The following GALNT18 variants were observed in gnomAD, a reference collection of about 807,000 sequenced individuals.
The protein encoded by GALNT18 is GalNAc-transferase 18.
A neutral mutation model predicts 69.5 loss-of-function variants in GALNT18; 44 were observed. The ratio of observed to expected loss-of-function variants is 0.63; its 90% confidence interval spans 0.50 to 0.81. GALNT18 has a LOEUF of 0.81. GALNT18 is among the 40% of genes least tolerant of loss of function. The pLI is 0.00. For missense variants in GALNT18, 715 were observed against 810.0 expected (o/e 0.88, Z 1.42); for synonymous variants, 364 against 318.2 (o/e 1.14, Z -1.53).
At position 11,341,312 on chromosome 11, in the gene GALNT18, A is replaced by G. The variant is rs953952472; in HGVS notation, c.1093-308T>C. Among the ~76,000 whole-genome samples the G allele has an allele frequency of 1.3e-5, 2 of 152,340 alleles. No homozygotes were observed. The highest frequency in any genetic ancestry group is 4.8e-5 in the African/African-American group (2 of 41,580). ...AAAAAGAGACCAGACATTTTGTTCC[A>G]AAGATCTGAATTCTCCTTGCACTTG... On this transcript the variant is annotated intron_variant, in intron 6 of 10. Transcript: ENST00000227756. The surrounding 1 kb of genome is among the most constrained non-coding windows in gnomAD (Gnocchi z 6.3).
chr11:11,548,996 A>G (rs1179714042), intron 1 of GALNT18, among the ~76,000 whole-genome samples: 1 of 152,248 alleles, frequency 6.6e-6, no homozygotes, highest in Admixed American at 6.5e-5. Flanking sequence ...AAAGAAGACT[A>G]CATTTCCCAG....
intron 6 of GALNT18, chr11:11,352,368 G>T (rs1373709282): frequency 6.2e-7 from 1 of 1,614,016 alleles, no homozygotes; most frequent in Non-Finnish European, 8.5e-7. Context: ...TAAATCTTCT[G>T]TCCCCAGAAA....
chr11:11,280,656 A>C (rs1356835036), intron 10 of GALNT18, among the ~76,000 whole-genome samples: 1 of 152,128 alleles, frequency 6.6e-6, no homozygotes, highest in Non-Finnish European at 1.5e-5. Context: ...AATTTTCCAA[A>C]CTGGTTGCCC....
Position 11,320,113 on chromosome 11 carries a change from T to C in GALNT18, c.1512+6973A>G, listed in dbSNP as rs889258103. On this transcript the variant is annotated intron_variant, in intron 9 of 10. Transcript: ENST00000227756. This position sits in a 1 kb window ranked among gnomAD's most constrained non-coding sequence, Gnocchi z 4.9. ...ACACTCACCTAAGAGACTCAGTTAGTAAGTGGCATGGCTGGGATTTGAACC... is the reference window on the plus strand; with the variant it reads ...ACACTCACCTAAGAGACTCAGTTAGCAAGTGGCATGGCTGGGATTTGAACC... 1.3e-5 allele frequency among the ~76,000 whole-genome samples: 2 copies of C among 152,206 alleles called. No individual in the cohort carries two copies. The highest frequency in any genetic ancestry group is 2.9e-5 in the Non-Finnish European group (2 of 68,032).
intron 1 of GALNT18, among the ~76,000 whole-genome samples, chr11:11,466,610 TG>T (rs757287196): frequency 2.6e-5 from 4 of 152,222 alleles, no homozygotes; most frequent in Non-Finnish European, 5.9e-5. Context: ...TAATTCAGTC[TG>T]TTTACCTATT....
chr11:11,340,826 G>A lies in GALNT18; in HGVS notation c.1271C>T (p.Pro424Leu), dbSNP rs766284531. ...CCTACCGGAGATCCCTACCTCCTGC[G>A]GTATGTTCCATGCCATGTAGACGTG... ...KSHVYMAWNI[P>L]QEDSGIDIGD... The change falls in exon 7 of 11, where the codon CCG becomes CTG. Residue 424 changes from proline (P) to leucine (L), a missense_variant. Coordinates refer to ENST00000227756, the MANE Select transcript of GALNT18 (RefSeq NM_198516.3). This position sits in a 1 kb window ranked among gnomAD's most constrained non-coding sequence, Gnocchi z 4.2. 3.7e-6 allele frequency: 6 copies of A among 1,608,824 alleles called. No homozygotes were observed. The highest frequency in any genetic ancestry group is 1.7e-5 in the Admixed American group (1 of 59,422).
At position 11,332,287 on chromosome 11, in the gene GALNT18, C is replaced by T. The variant is rs1199978822; in HGVS notation, c.1416+407G>A. Among the ~76,000 whole-genome samples, 1 of 152,216 alleles carries T rather than the reference C, an allele frequency of 6.6e-6. No individual in the cohort carries two copies. The highest frequency in any genetic ancestry group is 2.4e-5 in the African/African-American group (1 of 41,448). ...TAGAACTCTTCTCAGGGAGGCTCTG[C>T]ATGCGAGTGGGAGGCATTAGCTCCT... On this transcript the variant is annotated intron_variant, in intron 8 of 10. Transcript: ENST00000227756. The surrounding 1 kb of genome is among the most constrained non-coding windows in gnomAD (Gnocchi z 4.3).
At position 11,543,272 on chromosome 11, in the gene GALNT18, C is replaced by T. The variant is rs138107895; in HGVS notation, c.235+78087G>A. On this transcript the variant is annotated intron_variant, in intron 1 of 10. Coordinates refer to ENST00000227756, the MANE Select transcript of GALNT18 (RefSeq NM_198516.3). The surrounding 1 kb of genome is among the most constrained non-coding windows in gnomAD (Gnocchi z 5.1). ...GATCTGTGATCATTGCAAGTTGTTG[C>T]ATCCTTGAGAGTAAGTAGAATTTGT... Among the ~76,000 whole-genome samples, 4 of 152,318 alleles carry T rather than the reference C, an allele frequency of 2.6e-5. No individual in the cohort carries two copies. Among genetic ancestry groups the T allele is most frequent in the East Asian group, 3.9e-4 (2 of 5,178 alleles).
intron 1 of GALNT18, among the ~76,000 whole-genome samples, chr11:11,558,763 C>G (rs886958968): frequency 6.6e-6 from 1 of 152,224 alleles, no homozygotes; most frequent in African/African-American, 2.4e-5. Context: ...CCCTTCCTGC[C>G]TCTTCATCTT....
intron 3 of GALNT18, among the ~76,000 whole-genome samples, chr11:11,423,354 C>T (rs533832789): frequency 1.3e-5 from 2 of 152,344 alleles, no homozygotes; most frequent in South Asian, 4.1e-4. Context: ...CAGACATACA[C>T]ATGCACATAC....
chr11:11,439,219 T>C lies in GALNT18; in HGVS notation c.429-6432A>G, dbSNP rs568872256. 2.6e-5 allele frequency among the ~76,000 whole-genome samples: 4 copies of C among 152,262 alleles called. No individual in the cohort carries two copies. The highest frequency in any genetic ancestry group is 9.6e-5 in the African/African-American group (4 of 41,534). The stretch of plus-strand genomic sequence containing the variant: ...AGAAGGGCGTTGTCAGTGAGTGAAC[T>C]GTAGACGTGGACATGAAGTCACTGT... On this transcript the variant is annotated intron_variant, in intron 2 of 10. Coordinates refer to ENST00000227756, the MANE Select transcript of GALNT18 (RefSeq NM_198516.3). This position sits in a 1 kb window ranked among gnomAD's most constrained non-coding sequence, Gnocchi z 4.4.
intron 10 of GALNT18, among the ~76,000 whole-genome samples, chr11:11,290,591 C>A (rs1464447156): frequency 6.6e-6 from 1 of 152,208 alleles, no homozygotes; most frequent in South Asian, 2.1e-4. Context: ...ACAACTTTCA[C>A]ACATGCTGTT....
intron 3 of GALNT18, among the ~76,000 whole-genome samples, chr11:11,391,308 G>A (rs550434364): frequency 6.6e-6 from 1 of 152,292 alleles, no homozygotes; most frequent in East Asian, 1.9e-4. Context: ...TTGCCACTTA[G>A]CCCTTATGAT....
intron 6 of GALNT18, among the ~76,000 whole-genome samples, chr11:11,351,252 G>A (rs1467605853): frequency 6.6e-6 from 1 of 152,226 alleles, no homozygotes; most frequent in Admixed American, 6.5e-5. Flanking sequence ...TCGGGCTGCT[G>A]TGAGAGTTTG....
chr11:11,295,708 G>C (rs948255029), intron 9 of GALNT18, among the ~76,000 whole-genome samples: 12 of 152,244 alleles, frequency 7.9e-5, no homozygotes, highest in Middle Eastern at 3.4e-3. Context: ...TCTGCTCTCT[G>C]TGGTCACTTT....
intron 6 of GALNT18, chr11:11,352,287 C>T (rs771676450): frequency 1.2e-5 from 19 of 1,613,938 alleles, no homozygotes; most frequent in East Asian, 2.2e-5. Flanking sequence ...CCATCGCTTT[C>T]GAGAGTGTCT....
intron 1 of GALNT18, among the ~76,000 whole-genome samples, chr11:11,557,390 C>T (rs1858357342): frequency 6.6e-6 from 1 of 152,098 alleles, no homozygotes; most frequent in African/African-American, 2.4e-5. Flanking sequence ...GCTGTGTGAC[C>T]TTGGGGAAAT....
In GALNT18 at chr11:11,341,884, G is replaced by A. The variant is rs4910324; in HGVS notation, c.1093-880C>T. Among the ~76,000 whole-genome samples, 32,095 of 152,080 alleles carry A rather than the reference G, an allele frequency of 0.21. 3,920 individuals are homozygous for A. Among genetic ancestry groups the A allele is most frequent in the East Asian group, 0.34 (1,730 of 5,162 alleles). ...CACCTGTAATCTCAGCACTTTGGGA[G>A]GCTAAGGTGGGAGAATCGCTTGAGC... On this transcript the variant is annotated intron_variant, in intron 6 of 10. Transcript: ENST00000227756. This position sits in a 1 kb window ranked among gnomAD's most constrained non-coding sequence, Gnocchi z 6.3.
chr11:11,448,688 G>A, intron 2 of GALNT18, 56 bp downstream of exon 2: 2 of 1,468,978 alleles, frequency 1.4e-6, no homozygotes, highest in Non-Finnish European at 1.9e-6. Context: ...AGCACTCTGG[G>A]GACCCCATCT....
Sources: allele counts gnomAD v4.1 joint callset (sites outside exome capture counted in the v4.1 genomes callset), GRCh38; gene constraint gnomAD v4.1.1; non-coding constraint Gnocchi (gnomAD v3.1); transcripts MANE v1.5; gene names NCBI Gene and HGNC (gene_info 2026-07-23, HGNC 2026-07-21).